Variants in CNBD1 observed in about 807,000 individuals in gnomAD.
CNBD1 encodes the protein cyclic nucleotide-binding domain-containing protein 1.
Under a neutral mutation model 54.4 loss-of-function variants are expected in CNBD1, and 71 were observed. The observed-to-expected ratio is 1.30, with a 90% CI of 1.08 to 1.59. The LOEUF is 1.59. Among genes scored for constraint, CNBD1 ranks in the 40% most tolerant of loss-of-function variants. CNBD1 has a pLI of 0.00. For missense variants in CNBD1, 659 were observed against 518.0 expected, an observed-to-expected ratio of 1.27 and a Z score of -2.64; for synonymous variants, 182 against 170.7, an observed-to-expected ratio of 1.07 and a Z score of -0.51.
At chr8:86,986,749 G>T (rs1283442500) in intron 4 of CNBD1, among the ~76,000 whole-genome samples, 2 of 152,134 alleles carry the variant, frequency 1.3e-5, no homozygotes, top group African/African-American at 4.8e-5. Flanking sequence ...AGTTATTCCA[G>T]CACCATATGT....
Position 87,214,186 on chromosome 8 carries a change from T to C in CNBD1, c.577+8048T>C, listed in dbSNP as rs532054106. The stretch of plus-strand genomic sequence containing the variant: ...TCTGTCACATCATCAGAATGCAAAT[T>C]TTTTGAATTGTTATGCTCTGTTTTC... On this transcript the variant is annotated intron_variant, in intron 5 of 10. Transcript: ENST00000518476. 7.9e-5 allele frequency among the ~76,000 whole-genome samples: 12 copies of C among 152,304 alleles called. No individual in the cohort carries two copies. In the East Asian group the frequency reaches 2.3e-3, roughly 29 times the overall value.
intron 10 of CNBD1, among the ~76,000 whole-genome samples, chr8:87,370,923 T>C (rs1359731483): frequency 4.6e-5 from 7 of 151,280 alleles, no homozygotes; most frequent in Non-Finnish European, 1.0e-4. Flanking sequence ...AAGGAAGGGA[T>C]CCAGTTTCAG....
intron 4 of CNBD1, among the ~76,000 whole-genome samples, chr8:87,033,747 TTTCTTAATGGC>T (rs1809845413): frequency 6.6e-6 from 1 of 151,634 alleles, no homozygotes; most frequent in Non-Finnish European, 1.5e-5. Context: ...CCTCAATGCT[TTTCTTAATGGC>T]TTCTGGAATT....
intron 3 of CNBD1, among the ~76,000 whole-genome samples, chr8:86,910,938 A>G (rs533162817): frequency 6.6e-6 from 1 of 152,308 alleles, no homozygotes; most frequent in East Asian, 1.9e-4. Context: ...GGGCACAAAA[A>G]ATTGGTCGGA....
chr8:86,952,655 T>A (rs530553872), intron 4 of CNBD1, among the ~76,000 whole-genome samples: 1 of 151,928 alleles, frequency 6.6e-6, no homozygotes, highest in Non-Finnish European at 1.5e-5. Flanking sequence ...AATTTATATA[T>A]AATAAAAATG....
chr8:87,272,952 G>T (rs1379873133), intron 6 of CNBD1, among the ~76,000 whole-genome samples: 2 of 151,798 alleles, frequency 1.3e-5, no homozygotes, highest in African/African-American at 4.8e-5. Flanking sequence ...TTGTTAATAT[G>T]CTTATAGTTA....
In CNBD1 at chr8:87,241,596, C is replaced by T. The variant is rs188433328; in HGVS notation, c.771+4484C>T. Among the ~76,000 whole-genome samples, 7 of 152,144 alleles carry T rather than the reference C, an allele frequency of 4.6e-5. No homozygotes were observed. The East Asian group carries it at 9.7e-4, about 21-fold the overall frequency. Reference sequence around the variant, plus strand: ...CCATGGAAGATTTTTGAATGGATAACAATGAAAGTGTCTAGCAGGGTGTCA... The same window carrying T: ...CCATGGAAGATTTTTGAATGGATAATAATGAAAGTGTCTAGCAGGGTGTCA... On this transcript the variant is annotated intron_variant, in intron 6 of 10. Transcript: ENST00000518476.
intron 4 of CNBD1, among the ~76,000 whole-genome samples, chr8:87,149,348 A>T (rs1812553748): frequency 6.6e-6 from 1 of 152,190 alleles, no homozygotes; most frequent in Non-Finnish European, 1.5e-5. Flanking sequence ...TGGCATTATG[A>T]CATTTTTTTC....
At position 86,994,541 on chromosome 8, in the gene CNBD1, T is replaced by C. The variant is rs529807226; in HGVS notation, c.431+54787T>C. 2.0e-5 allele frequency among the ~76,000 whole-genome samples: 3 copies of C among 152,334 alleles called. No homozygotes were observed. In the South Asian group the frequency reaches 6.2e-4, roughly 32 times the overall value. ...TGCCTACTCTCTGGGAAGATTAGCCTGCTATTTCAAATGTCCATGAGGGAC... is the reference window on the plus strand; with the variant it reads ...TGCCTACTCTCTGGGAAGATTAGCCCGCTATTTCAAATGTCCATGAGGGAC... On this transcript the variant is annotated intron_variant, in intron 4 of 10. Coordinates refer to ENST00000518476, the MANE Select transcript of CNBD1 (RefSeq NM_173538.3).
intron 4 of CNBD1, among the ~76,000 whole-genome samples, chr8:86,979,339 G>A (rs1039403029): frequency 7.2e-6 from 1 of 138,216 alleles, no homozygotes; most frequent in Admixed American, 8.1e-5. Flanking sequence ...GCCAAAATTG[G>A]CAGATCACTT....
chr8:86,893,451 C>T (rs935971858), intron 2 of CNBD1, among the ~76,000 whole-genome samples: 1 of 152,112 alleles, frequency 6.6e-6, no homozygotes, highest in Non-Finnish European at 1.5e-5. Flanking sequence ...TCCCATCTTC[C>T]CTTCCCCTTA....
intron 6 of CNBD1, among the ~76,000 whole-genome samples, chr8:87,283,407 A>T (rs997446588): frequency 3.3e-5 from 5 of 151,240 alleles, no homozygotes; most frequent in African/African-American, 1.2e-4. Flanking sequence ...TTTTATTAAG[A>T]TTTTGTCATC....
intron 4 of CNBD1, among the ~76,000 whole-genome samples, chr8:86,970,240 C>T (rs1808189371): frequency 6.6e-6 from 1 of 151,818 alleles, no homozygotes; most frequent in African/African-American, 2.4e-5. Flanking sequence ...ACTAAATATC[C>T]CTCTAATAAG....
At chr8:86,933,876 A>G (rs920160481) in intron 3 of CNBD1, among the ~76,000 whole-genome samples, 3 of 152,164 alleles carry the variant, frequency 2.0e-5, no homozygotes, top group Admixed American at 1.3e-4. Context: ...AATCCAATTG[A>G]GTACATTATT....
intron 4 of CNBD1, among the ~76,000 whole-genome samples, chr8:87,021,745 T>G (rs1312550888): frequency 6.6e-6 from 1 of 152,046 alleles, no homozygotes; most frequent in East Asian, 1.9e-4. Context: ...CTGCCCAAAA[T>G]GTCAGTTATG....
chr8:87,084,183 T>A lies in CNBD1; in HGVS notation c.432-121810T>A, dbSNP rs148098847. Among the ~76,000 whole-genome samples, 1,168 of 152,342 alleles carry A rather than the reference T, an allele frequency of 7.7e-3. 20 individuals carry two copies. The highest frequency in any genetic ancestry group is 0.027 in the Middle Eastern group (8 of 294). On this transcript the variant is annotated intron_variant, in intron 4 of 10. Transcript: ENST00000518476. ...ATATGTTGTAAAACCCAAAATACTT[T>A]AATATTATTTTTGCTTTAAACAGTA...
At chr8:86,977,468 C>T (rs1192496483) in intron 4 of CNBD1, among the ~76,000 whole-genome samples, 1 of 152,016 alleles carries the variant, frequency 6.6e-6, no homozygotes, top group Non-Finnish European at 1.5e-5. Context: ...TCTTCTGCAA[C>T]TGACAAACAT....
chr8:87,018,442 T>G (rs1809413200), intron 4 of CNBD1, among the ~76,000 whole-genome samples: 1 of 152,186 alleles, frequency 6.6e-6, no homozygotes. Context: ...AATACTGGAT[T>G]TCAGCCTTAA....
At chr8:87,362,633 G>A (rs1415431976) in intron 10 of CNBD1, among the ~76,000 whole-genome samples, 1 of 151,922 alleles carries the variant, frequency 6.6e-6, no homozygotes, top group Non-Finnish European at 1.5e-5. Flanking sequence ...ACACCATTTT[G>A]TCTACTCCAT....
Sources: allele counts gnomAD v4.1 joint callset (sites outside exome capture counted in the v4.1 genomes callset), GRCh38; gene constraint gnomAD v4.1.1; transcripts MANE v1.5; gene names NCBI Gene and HGNC (gene_info 2026-07-23, HGNC 2026-07-21).